SESTD1: variants seen among roughly 807,000 people sequenced by gnomAD.
The protein encoded by SESTD1 is SEC14 and spectrin domain containing 1.
Under a neutral mutation model 101.7 loss-of-function variants are expected in SESTD1, and 43 were observed. The ratio of observed to expected loss-of-function variants is 0.42; its 90% CI spans 0.33 to 0.55. The LOEUF is 0.55. Among genes scored for constraint, SESTD1 ranks in the 20% least tolerant of loss-of-function variants. The probability of loss-of-function intolerance (pLI) is 0.07; values close to 1 mark genes in which losing one functional copy is unlikely to be tolerated. For missense variants in SESTD1, 647 were observed against 815.1 expected (o/e 0.79, Z 2.51); for synonymous variants, 283 against 286.8 (o/e 0.99, Z 0.13).
At chr2:179,225,180 G>A (rs1000297574) in intron 1 of SESTD1, among the ~76,000 whole-genome samples, 3 of 152,098 alleles carry the variant, frequency 2.0e-5, no homozygotes, top group Admixed American at 2.0e-4. Flanking sequence ...AAATTGATTG[G>A]TTGCTGGTGG....
intron 7 of SESTD1, among the ~76,000 whole-genome samples, chr2:179,148,760 T>C (rs188876578): frequency 6.6e-5 from 10 of 152,222 alleles, no homozygotes; most frequent in Admixed American, 4.6e-4. Flanking sequence ...GTAAATACAT[T>C]ACTATTAATT....
intron 1 of SESTD1, among the ~76,000 whole-genome samples, chr2:179,252,777 C>A (rs2047337266): frequency 6.6e-6 from 1 of 152,172 alleles, no homozygotes; most frequent in African/African-American, 2.4e-5. Context: ...GGTGACTTGA[C>A]CTCTCTTTTG....
chr2:179,199,225 G>A (rs939612213), intron 1 of SESTD1, among the ~76,000 whole-genome samples: 1,648 of 151,904 alleles, frequency 0.011, 25 homozygotes, highest in African/African-American at 0.037. Context: ...TAAATTCCTC[G>A]ACACATACAC....
chr2:179,162,922 C>A (rs371127199), intron 5 of SESTD1, among the ~76,000 whole-genome samples: 2 of 148,876 alleles, frequency 1.3e-5, no homozygotes, highest in Non-Finnish European at 3.0e-5. Context: ...ACCTGGGAGG[C>A]GGAGGTTGCA....
At chr2:179,263,631 G>C (rs923071397) in intron 1 of SESTD1, among the ~76,000 whole-genome samples, 1 of 134,786 alleles carries the variant, frequency 7.4e-6, no homozygotes, top group Non-Finnish European at 1.6e-5. Flanking sequence ...AACTTCTCCC[G>C]CGATGTCTGT....
chr2:179,182,333 C>T (rs982073675), intron 3 of SESTD1, among the ~76,000 whole-genome samples: 5 of 152,058 alleles, frequency 3.3e-5, no homozygotes, highest in African/African-American at 7.2e-5. Context: ...TCTGGTTGCA[C>T]ATTAGAAATA....
chr2:179,236,073 A>G (rs2047061316), intron 1 of SESTD1, among the ~76,000 whole-genome samples: 1 of 152,072 alleles, frequency 6.6e-6, no homozygotes. Context: ...CCACTCTATT[A>G]TGATTATCAT....
intron 10 of SESTD1, among the ~76,000 whole-genome samples, chr2:179,131,631 T>A (rs2045015809): frequency 6.6e-6 from 1 of 152,150 alleles, no homozygotes; most frequent in South Asian, 2.1e-4. Flanking sequence ...AACTGGATGA[T>A]CTCTTTCTCA....
In SESTD1 at chr2:179,108,858, C is replaced by A. The variant is rs1375807471; in HGVS notation, c.*1041G>T. On this transcript the variant is annotated 3_prime_UTR_variant, in exon 18 of 18. Coordinates refer to ENST00000428443, the MANE Select transcript of SESTD1 (RefSeq NM_178123.5). ...GTCATACAGTTCTGTTATTGGACTA[C>A]TTCAGAATTTATTTTGCTTTTAGAC... is the stretch of plus-strand genomic sequence containing the variant. 1 of 151,952 alleles carries A rather than the reference C, an allele frequency of 6.6e-6. No individual in the cohort carries two copies. The highest frequency in any genetic ancestry group is 1.5e-5 in the Non-Finnish European group (1 of 67,972). The allele number at this position is 151,952 out of a possible 1,614,324, so 9.4% of individuals were successfully genotyped here.
At chr2:179,184,934 G>A (rs1472968299) in intron 2 of SESTD1, among the ~76,000 whole-genome samples, 1 of 152,084 alleles carries the variant, frequency 6.6e-6, no homozygotes, top group African/African-American at 2.4e-5. Flanking sequence ...AGGGGTGAAA[G>A]CCAACAGGAA....
chr2:179,200,896 G>A (rs1328588336), intron 1 of SESTD1, among the ~76,000 whole-genome samples: 1 of 133,972 alleles, frequency 7.5e-6, no homozygotes, highest in Admixed American at 7.2e-5. Flanking sequence ...CAAAAGCAAT[G>A]GCAACAAAAG....
intron 1 of SESTD1, among the ~76,000 whole-genome samples, chr2:179,260,901 G>T (rs1296574441): frequency 6.6e-6 from 1 of 152,098 alleles, no homozygotes; most frequent in Non-Finnish European, 1.5e-5. Context: ...ACACATAAAT[G>T]CAAAGATACA....
At chr2:179,249,074 G>C (rs920006968) in intron 1 of SESTD1, among the ~76,000 whole-genome samples, 7 of 142,038 alleles carry the variant, frequency 4.9e-5, no homozygotes, top group African/African-American at 1.8e-4. Context: ...CTGGGTGACA[G>C]AGTGAGATCC....
chr2:179,156,844 T>C (rs2045642561), intron 5 of SESTD1, among the ~76,000 whole-genome samples: 1 of 152,220 alleles, frequency 6.6e-6, no homozygotes, highest in South Asian at 2.1e-4. Flanking sequence ...CAGCTATTTA[T>C]CTTTGTTTTT....
intron 1 of SESTD1, among the ~76,000 whole-genome samples, chr2:179,244,758 G>A (rs915759467): frequency 1.3e-5 from 2 of 152,130 alleles, no homozygotes; most frequent in Non-Finnish European, 2.9e-5. Flanking sequence ...AAAAATATGG[G>A]AAAATACAAT....
At position 179,143,812 on chromosome 2, in the gene SESTD1, A is replaced by G; in HGVS notation, c.638-9T>C. 6.2e-7 allele frequency: 1 copy of G among 1,609,740 alleles called. No individual in the cohort carries two copies. Among genetic ancestry groups the G allele is most frequent in the Non-Finnish European group, 8.5e-7 (1 of 1,178,934 alleles). On this transcript the variant is annotated splice_polypyrimidine_tract_variant and intron_variant, in intron 8 of 17. Coordinates refer to ENST00000428443, the MANE Select transcript of SESTD1 (RefSeq NM_178123.5). ...GGACAACAATTCATGCCCTTTACAAATAAAAGATACTTGAAATTAATATCT... is the reference window on the plus strand; with the variant it reads ...GGACAACAATTCATGCCCTTTACAAGTAAAAGATACTTGAAATTAATATCT...
At chr2:179,171,866 A>G (rs1422604995) in intron 5 of SESTD1, among the ~76,000 whole-genome samples, 1 of 152,172 alleles carries the variant, frequency 6.6e-6, no homozygotes, top group Non-Finnish European at 1.5e-5. Flanking sequence ...CAAAGGTTCT[A>G]CTTATTCAAA....
rs754725713 is a variant in SESTD1, at chr2:179,112,716, C to T, written c.1961+8G>A. On this transcript the variant is annotated splice_region_variant and intron_variant, in intron 17 of 17. Coordinates refer to ENST00000428443, the MANE Select transcript of SESTD1 (RefSeq NM_178123.5). ...TAAAAAATAAAATTATAAGAACATG[C>T]CCCATACCCATCAGGATAAACTACT... 27 of 1,606,092 alleles carry T rather than the reference C, an allele frequency of 1.7e-5. No individual in the cohort carries two copies. The highest frequency in any genetic ancestry group is 6.8e-5 in the Admixed American group (4 of 58,746).
At position 179,108,796 on chromosome 2, in the gene SESTD1, G is replaced by T. The variant is rs1284496288; in HGVS notation, c.*1103C>A. The T allele has an allele frequency of 1.3e-5, 2 of 151,834 alleles. No homozygotes were observed. Among genetic ancestry groups the T allele is most frequent in the African/African-American group, 2.4e-5 (1 of 41,322 alleles). The allele number at this position is 151,834 out of a possible 1,614,324, so 9.4% of individuals were successfully genotyped here. The stretch of plus-strand genomic sequence containing the variant: ...ATTTAAACTTAATACAAACTTAAAA[G>T]AACTAGCATTTCATGATAAATTTTA... On this transcript the variant is annotated 3_prime_UTR_variant, in exon 18 of 18. Transcript: ENST00000428443.
Sources: allele counts gnomAD v4.1 joint callset (sites outside exome capture counted in the v4.1 genomes callset), GRCh38; gene constraint gnomAD v4.1.1; transcripts MANE v1.5; gene names NCBI Gene and HGNC (gene_info 2026-07-23, HGNC 2026-07-21).